ZNF34: variants seen among roughly 807,000 people sequenced by gnomAD.
ZNF34 encodes the protein zinc finger protein 34.
In ZNF34, 8 loss-of-function variants were observed where a neutral mutation model predicts 14.4. The observed-to-expected ratio is 0.55, with a 90% CI of 0.33 to 1.00. The LOEUF (loss-of-function observed/expected upper bound fraction) is 1.00. ZNF34 is among the 50% of genes least tolerant of loss of function. The probability of loss-of-function intolerance (pLI) is 0.03; values close to 1 mark genes in which losing one functional copy is unlikely to be tolerated. For synonymous variants in ZNF34, 235 were observed against 247.9 expected, an observed-to-expected ratio of 0.95 and a Z score of 0.49; for missense variants, 538 against 674.2, an observed-to-expected ratio of 0.80 and a Z score of 2.24.
chr8:144,773,240 C>T lies in ZNF34; in HGVS notation c.*26G>A. On this transcript the variant is annotated 3_prime_UTR_variant, in exon 6 of 6. Transcript: ENST00000429371. The surrounding 1 kb of genome is among the most constrained non-coding windows in gnomAD (Gnocchi z 5.4). ...CGCATGCAGGAAGTGCTCAGCTGGACTCTGCCCTCGGACACCGCGCCACTG... is the reference window on the plus strand; with the variant it reads ...CGCATGCAGGAAGTGCTCAGCTGGATTCTGCCCTCGGACACCGCGCCACTG... 4 of 1,573,804 alleles carry T rather than the reference C, an allele frequency of 2.5e-6. No individual in the cohort carries two copies. Among genetic ancestry groups the T allele is most frequent in the Non-Finnish European group, 3.5e-6 (4 of 1,156,118 alleles).
intron 1 of ZNF34, among the ~76,000 whole-genome samples, chr8:144,783,398 T>G (rs767067106): frequency 1.3e-5 from 2 of 152,032 alleles, no homozygotes; most frequent in Admixed American, 6.6e-5. Flanking sequence ...AAAAAAGAAA[T>G]ATAAGCTACA....
chr8:144,785,360 G>C (rs1449907328), intron 1 of ZNF34: 1 of 152,172 alleles, frequency 6.6e-6, no homozygotes. Flanking sequence ...CTTGAATCTA[G>C]GAGTTCTGGG....
In ZNF34 at chr8:144,779,410, C is replaced by T. The variant is rs1276972245; in HGVS notation, c.-55+818G>A. 1.3e-5 allele frequency among the ~76,000 whole-genome samples: 2 copies of T among 152,208 alleles called. No individual in the cohort carries two copies. Among genetic ancestry groups the T allele is most frequent in the African/African-American group, 2.4e-5 (1 of 41,440 alleles). On this transcript the variant is annotated intron_variant, in intron 2 of 5. Transcript: ENST00000429371. This position sits in a 1 kb window ranked among gnomAD's most constrained non-coding sequence, Gnocchi z 4.1. ...CCTCATGTCCGCACATCCTCACCACCTGCTTCTTTGTTCGATCATCAATAA... is the reference window on the plus strand; with the variant it reads ...CCTCATGTCCGCACATCCTCACCACTTGCTTCTTTGTTCGATCATCAATAA...
At chr8:144,784,300 G>A (rs1826089832) in intron 1 of ZNF34, among the ~76,000 whole-genome samples, 1 of 151,548 alleles carries the variant, frequency 6.6e-6, no homozygotes, top group Non-Finnish European at 1.5e-5. Context: ...GATAATGGAA[G>A]ACATCTATGG....
At chr8:144,776,911 CAA>C (rs149216566) in intron 5 of ZNF34, among the ~76,000 whole-genome samples, 59,965 of 100,092 alleles carry the variant, frequency 0.6, 14,749 homozygotes, top group African/African-American at 0.72. Flanking sequence ...GACCCTGTCT[CAA>C]AAAAAAAAAA....
At chr8:144,781,407 C>T (rs1324949626) in intron 1 of ZNF34, among the ~76,000 whole-genome samples, 2 of 151,320 alleles carry the variant, frequency 1.3e-5, no homozygotes, top group Non-Finnish European at 2.9e-5. Flanking sequence ...TAGCTGGGAC[C>T]ACAGGTGCGT....
Position 144,780,255 on chromosome 8 carries a change from AGATACATGT to A in ZNF34, c.-91_-83del. ...ACCAGAAGCATGAGACTCTCGGATT[AGATACATGT>A]GATGCAACTATTTGGCCTAAAATAA... On this transcript the variant is annotated 5_prime_UTR_variant, in exon 2 of 6. The change abolishes an upstream ATG in the 5' untranslated region. Transcript: ENST00000429371. The A allele has an allele frequency of 6.4e-7, 1 of 1,550,418 alleles. No homozygotes were observed. Among genetic ancestry groups the A allele is most frequent in the Non-Finnish European group, 8.7e-7 (1 of 1,146,026 alleles).
chr8:144,774,869 A>G (rs1261836598), intron 5 of ZNF34, among the ~76,000 whole-genome samples: 12 of 152,186 alleles, frequency 7.9e-5, no homozygotes. Context: ...CCAAGAATGG[A>G]GAGTGACAAG....
intron 1 of ZNF34, chr8:144,785,622 C>G (rs190391528): frequency 5.3e-5 from 8 of 152,312 alleles, no homozygotes; most frequent in African/African-American, 1.9e-4. Flanking sequence ...TAAAGTAAAA[C>G]AAGACTCTCC....
chr8:144,778,476 T>C lies in ZNF34; in HGVS notation c.-5A>G. ...AGACAGGAACAAGGCCGCCATTGCC[T>C]GAGGGTTGGGCTTTCTGAGGGCAGT... is the stretch of plus-strand genomic sequence containing the variant. On this transcript the variant is annotated 5_prime_UTR_variant, in exon 3 of 6. Transcript: ENST00000429371. 1 of 1,592,674 alleles carries C rather than the reference T, an allele frequency of 6.3e-7. No individual in the cohort carries two copies.
At chr8:144,785,419 A>G (rs1826167403) in intron 1 of ZNF34, 1 of 152,146 alleles carries the variant, frequency 6.6e-6, no homozygotes, top group African/African-American at 2.4e-5. Context: ...TTCGGCATCA[A>G]TATGGTGACA....
intron 1 of ZNF34, among the ~76,000 whole-genome samples, chr8:144,785,976 G>A (rs1025569319): frequency 1.4e-5 from 2 of 144,310 alleles, no homozygotes; most frequent in African/African-American, 2.6e-5. Context: ...TAATACATAG[G>A]TAGTTTTTTT....
At chr8:144,783,952 C>CAGG (rs1201823596) in intron 1 of ZNF34, among the ~76,000 whole-genome samples, 1 of 152,090 alleles carries the variant, frequency 6.6e-6, no homozygotes, top group Non-Finnish European at 1.5e-5. Context: ...ATCACGAGGT[C>CAGG]AGATCGAGAC....
At chr8:144,776,901 G>A (rs1348119391) in intron 5 of ZNF34, among the ~76,000 whole-genome samples, 3 of 125,040 alleles carry the variant, frequency 2.4e-5, no homozygotes, top group African/African-American at 3.5e-5. Flanking sequence ...GATAGAGGGC[G>A]ACCCTGTCTC....
intron 1 of ZNF34, among the ~76,000 whole-genome samples, chr8:144,786,757 CGAG>C (rs1038344314): frequency 4.6e-5 from 7 of 151,768 alleles, no homozygotes; most frequent in Non-Finnish European, 8.8e-5. Context: ...GCGCCAGAAG[CGAG>C]GAGGGTGGGG....
In ZNF34 at chr8:144,773,223, G is replaced by A. The variant is rs1563782029; in HGVS notation, c.*43C>T. On this transcript the variant is annotated 3_prime_UTR_variant, in exon 6 of 6. Coordinates refer to ENST00000429371, the MANE Select transcript of ZNF34 (RefSeq NM_001286769.2). This position sits in a 1 kb window ranked among gnomAD's most constrained non-coding sequence, Gnocchi z 5.4. ...GAGTCAGGTGCCGGGGGCGCATGCA[G>A]GAAGTGCTCAGCTGGACTCTGCCCT... 1 of 1,550,592 alleles carries A rather than the reference G, an allele frequency of 6.4e-7. No homozygotes were observed. Among genetic ancestry groups the A allele is most frequent in the Admixed American group, 1.9e-5 (1 of 53,950 alleles).
rs760952440 is a variant in ZNF34 at position 144,777,636 on chromosome 8, G to A, written c.161-59C>T. On this transcript the variant is annotated intron_variant, in intron 4 of 5. Transcript: ENST00000429371. The surrounding 1 kb of genome is among the most constrained non-coding windows in gnomAD (Gnocchi z 4.8). ...AGGACACAGGGCAGCACCTAGTGCT[G>A]TCTCACCCTGGGGCTGCAGGGTAAG... The A allele has an allele frequency of 2.0e-6, 3 of 1,535,380 alleles. No individual in the cohort carries two copies. Among genetic ancestry groups the A allele is most frequent in the Non-Finnish European group, 2.6e-6 (3 of 1,138,728 alleles).
At chr8:144,781,765 G>A (rs1381066774) in intron 1 of ZNF34, among the ~76,000 whole-genome samples, 2 of 152,134 alleles carry the variant, frequency 1.3e-5, no homozygotes, top group African/African-American at 2.4e-5. Context: ...TATATGAAAA[G>A]TAACCCTCTC....
chr8:144,776,310 T>TC (rs1825510402), intron 5 of ZNF34, among the ~76,000 whole-genome samples: 1 of 138,382 alleles, frequency 7.2e-6, no homozygotes, highest in African/African-American at 2.9e-5. Context: ...AGACTCTGTC[T>TC]CAAAAAAAAA....
Sources: allele counts gnomAD v4.1 joint callset (sites outside exome capture counted in the v4.1 genomes callset), GRCh38; gene constraint gnomAD v4.1.1; non-coding constraint Gnocchi (gnomAD v3.1); transcripts MANE v1.5; gene names NCBI Gene and HGNC (gene_info 2026-07-23, HGNC 2026-07-21).